Variants in ITPR2 observed in about 807,000 individuals in gnomAD.
ITPR2 encodes the protein inositol 1,4,5-trisphosphate receptor type 2, also known as inositol 1,4,5-trisphosphate-gated calcium channel ITPR2.
A neutral mutation model predicts 317.1 loss-of-function variants in ITPR2; 207 were observed. The observed-to-expected ratio is 0.65, with a 90% CI of 0.58 to 0.73. The LOEUF (loss-of-function observed/expected upper bound fraction) is 0.73. Among genes scored for constraint, ITPR2 ranks in the 30% least tolerant of loss-of-function variants. ITPR2 has a pLI of 0.00. For synonymous variants in ITPR2, 1,156 were observed against 1,149.1 expected (o/e 1.01, Z -0.12); for missense variants, 2,613 against 3,284.0 (o/e 0.80, Z 4.99).
At chr12:26,427,285 G>A (rs1014873528) in intron 49 of ITPR2, among the ~76,000 whole-genome samples, 3 of 151,942 alleles carry the variant, frequency 2.0e-5, no homozygotes, top group African/African-American at 4.8e-5. Flanking sequence ...CATGCATAAC[G>A]TTGGCTAGTC....
intron 9 of ITPR2, among the ~76,000 whole-genome samples, chr12:26,697,508 T>C (rs1283089416): frequency 3.3e-5 from 5 of 152,158 alleles, no homozygotes; most frequent in Non-Finnish European, 7.3e-5. Context: ...GCTAAAATGA[T>C]AGTATAGAAA....
intron 37 of ITPR2, among the ~76,000 whole-genome samples, chr12:26,523,535 T>TA (rs533240815): frequency 0.15 from 22,122 of 149,662 alleles, 2,108 homozygotes; most frequent in Non-Finnish European, 0.22. Context: ...TTTTTTTTTT[T>TA]TAAAAAGCCT....
chr12:26,548,460 A>G (rs542020037), intron 37 of ITPR2, among the ~76,000 whole-genome samples: 3 of 152,290 alleles, frequency 2.0e-5, no homozygotes, highest in African/African-American at 7.2e-5. Context: ...TCCCTACACT[A>G]TTAAGGGAGT....
chr12:26,385,862 C>T (rs191793211), intron 55 of ITPR2, among the ~76,000 whole-genome samples: 282 of 152,006 alleles, frequency 1.9e-3, no homozygotes, highest in African/African-American at 6.4e-3. Context: ...TTGAAGCCTT[C>T]GCAGGTTTTC....
chr12:26,408,212 T>A (rs966129436), intron 52 of ITPR2, among the ~76,000 whole-genome samples: 1 of 152,196 alleles, frequency 6.6e-6, no homozygotes, highest in African/African-American at 2.4e-5. Flanking sequence ...ACAGCTAGCA[T>A]GGTGACTGGC....
intron 46 of ITPR2, among the ~76,000 whole-genome samples, chr12:26,442,527 G>A (rs1941510268): frequency 6.6e-6 from 1 of 151,926 alleles, no homozygotes; most frequent in African/African-American, 2.4e-5. Context: ...CTATTCCCTG[G>A]TCTCTTCTGA....
chr12:26,621,479 T>A (rs561655121), intron 25 of ITPR2, among the ~76,000 whole-genome samples, 183 bp from the exon 26 acceptor site: 1 of 152,278 alleles, frequency 6.6e-6, no homozygotes, highest in African/African-American at 2.4e-5. Flanking sequence ...TGATTTAAGA[T>A]TAAAAGATAC....
intron 11 of ITPR2, among the ~76,000 whole-genome samples, chr12:26,683,045 A>G (rs1948065346): frequency 6.6e-6 from 1 of 152,208 alleles, no homozygotes; most frequent in Non-Finnish European, 1.5e-5. Flanking sequence ...AACTAAGAAC[A>G]TTGATCAAAT....
At chr12:26,611,976 A>G (rs1209527929) in intron 26 of ITPR2, among the ~76,000 whole-genome samples, 1 of 152,250 alleles carries the variant, frequency 6.6e-6, no homozygotes, top group Non-Finnish European at 1.5e-5. Flanking sequence ...GATAGGTTTA[A>G]TAAAGGGAAA....
chr12:26,383,626 T>C (rs1939580975), intron 55 of ITPR2, among the ~76,000 whole-genome samples: 1 of 150,896 alleles, frequency 6.6e-6, no homozygotes, highest in Admixed American at 6.6e-5. Flanking sequence ...TGGGACTACA[T>C]GTGCCCACCA....
At chr12:26,635,039 T>C (rs948028435) in intron 21 of ITPR2, among the ~76,000 whole-genome samples, 4 of 152,152 alleles carry the variant, frequency 2.6e-5, no homozygotes, top group African/African-American at 9.7e-5. Context: ...AGCAAATGCA[T>C]ACTGAGAGCG....
chr12:26,564,162 A>C (rs936376330), intron 34 of ITPR2, among the ~76,000 whole-genome samples: 1 of 152,216 alleles, frequency 6.6e-6, no homozygotes, highest in African/African-American at 2.4e-5. Flanking sequence ...TCTGGAAAGG[A>C]AGTCAAGGAA....
intron 21 of ITPR2, among the ~76,000 whole-genome samples, chr12:26,640,649 C>A (rs1338114961): frequency 6.6e-6 from 1 of 151,982 alleles, no homozygotes; most frequent in African/African-American, 2.4e-5. Context: ...TGTAGTAACT[C>A]TAAGAACCAT....
chr12:26,336,272 GCTA>G lies in ITPR2; in HGVS notation c.*3122_*3124del, dbSNP rs1937912477. ...ACTGGGGGCTAGTGGCTGAGTGTGG[GCTA>G]TACTGCCTTGCTGTTTGCAATGAAA... On this transcript the variant is annotated 3_prime_UTR_variant, in exon 57 of 57. Transcript: ENST00000381340. Among the ~76,000 whole-genome samples the G allele has an allele frequency of 6.6e-6, 1 of 152,106 alleles. No individual in the cohort carries two copies. The highest frequency in any genetic ancestry group is 2.1e-4 in the South Asian group (1 of 4,826).
Position 26,712,665 on chromosome 12 carries a change from ACACACACAC to A in ITPR2, c.856-1406_856-1398del, listed in dbSNP as rs1948669605. Among the ~76,000 whole-genome samples, 4 of 115,316 alleles carry A rather than the reference ACACACACAC, an allele frequency of 3.5e-5. No individual in the cohort carries two copies. The South Asian group carries it at 9.8e-4, about 28-fold the overall frequency. The allele number at this position is 115,316 out of a possible 152,430, so 75.7% of individuals were successfully genotyped here. ...CACACACACACACACACACACACACACACACACACAATTTTGTGGTTTGTATATAAATGC... is the reference window on the plus strand; with the variant it reads ...CACACACACACACACACACACACACAAATTTTGTGGTTTGTATATAAATGC... On this transcript the variant is annotated intron_variant, in intron 8 of 56. Transcript: ENST00000381340.
chr12:26,577,407 T>C (rs1205912463), intron 34 of ITPR2, among the ~76,000 whole-genome samples: 1 of 152,242 alleles, frequency 6.6e-6, no homozygotes, highest in Non-Finnish European at 1.5e-5. Context: ...TCTTTATCAG[T>C]TGAATTTTCC....
chr12:26,404,487 A>C (rs75226184), intron 52 of ITPR2, among the ~76,000 whole-genome samples: 6,752 of 152,320 alleles, frequency 0.044, 182 homozygotes, highest in South Asian at 0.074. Context: ...TCAAAATTGC[A>C]GAATAGTCAA....
chr12:26,465,824 T>C (rs1942158441), intron 45 of ITPR2, among the ~76,000 whole-genome samples: 1 of 152,036 alleles, frequency 6.6e-6, no homozygotes, highest in African/African-American at 2.4e-5. Flanking sequence ...ACCCCACAAC[T>C]GCATCTATAA....
At chr12:26,570,673 A>C (rs1945135761) in intron 34 of ITPR2, among the ~76,000 whole-genome samples, 1 of 152,224 alleles carries the variant, frequency 6.6e-6, no homozygotes, top group South Asian at 2.1e-4. Flanking sequence ...AATTCCCCCA[A>C]ATCATTTGAA....
Sources: gnomAD v4.1 joint callset for allele counts (sites outside exome capture counted in the v4.1 genomes callset) on GRCh38, gnomAD v4.1.1 for gene constraint, MANE v1.5 for transcripts, NCBI Gene and HGNC (gene_info 2026-07-23, HGNC 2026-07-21) for gene names.